The following CRISP2 variants were observed in gnomAD, a reference collection of about 807,000 sequenced individuals.
The protein encoded by CRISP2 is cysteine-rich secretory protein 2.
Under a neutral mutation model 31.7 loss-of-function variants are expected in CRISP2, and 29 were observed. That is an observed-to-expected ratio of 0.92 (90% CI 0.68 to 1.25). CRISP2 has a LOEUF of 1.25. Among genes scored for constraint, CRISP2 ranks in the 50% most tolerant of loss-of-function variants. CRISP2 has a pLI of 0.00. For missense variants in CRISP2, 318 were observed against 286.5 expected (o/e 1.11, Z -0.79); for synonymous variants, 111 against 101.4 (o/e 1.09, Z -0.57).
At chr6:49,707,433 G>C (rs1474790654) in intron 4 of CRISP2, among the ~76,000 whole-genome samples, 2 of 152,130 alleles carry the variant, frequency 1.3e-5, no homozygotes, top group African/African-American at 4.8e-5. Context: ...AGTGTTTATA[G>C]AGCATCTGAT....
intron 4 of CRISP2, among the ~76,000 whole-genome samples, chr6:49,701,266 C>T (rs1222751618): frequency 6.6e-6 from 1 of 151,664 alleles, no homozygotes; most frequent in Non-Finnish European, 1.5e-5. Context: ...GTCTTTTATC[C>T]CACGCCACCC....
intron 3 of CRISP2, 140 bp from the exon 4 acceptor site, chr6:49,709,345 A>G (rs1767607423): frequency 1.5e-5 from 11 of 724,834 alleles, no homozygotes; most frequent in South Asian, 5.7e-5. Context: ...CAAAAGAAGA[A>G]TTGCCCTATG....
chr6:49,700,910 T>C lies in CRISP2; in HGVS notation c.67-126A>G, dbSNP rs1284258958. Reference sequence around the variant, plus strand: ...GCAAAATAGTTATCATGTACATATATTAAATACTAAAGTTATTTAAATAAT... The same window carrying C: ...GCAAAATAGTTATCATGTACATATACTAAATACTAAAGTTATTTAAATAAT... On this transcript the variant is annotated intron_variant, in intron 4 of 9. Transcript: ENST00000339139. 3 of 562,934 alleles carry C rather than the reference T, an allele frequency of 5.3e-6. No homozygotes were observed. In the East Asian group the frequency reaches 9.7e-5, roughly 18 times the overall value. 34.9% of individuals were successfully genotyped at this position (562,934 alleles called of 1,614,324 possible).
the CRISP2 span, among the ~76,000 whole-genome samples, chr6:49,679,056 T>C: frequency 1.2e-4 from 19 of 152,336 alleles, no homozygotes; most frequent in African/African-American, 4.1e-4. Flanking sequence ...GTTCTGCTTA[T>C]GTTCTGCACA....
At chr6:49,677,891 T>C in the CRISP2 span, among the ~76,000 whole-genome samples, 3 of 152,128 alleles carry the variant, frequency 2.0e-5, no homozygotes, top group Non-Finnish European at 4.4e-5. Context: ...GAAATAATGG[T>C]ATTCAATTGT....
chr6:49,703,384 C>A (rs908372828), intron 4 of CRISP2, among the ~76,000 whole-genome samples: 2 of 151,900 alleles, frequency 1.3e-5, no homozygotes, highest in African/African-American at 4.8e-5. Flanking sequence ...ATGGGAATTG[C>A]ATTAAATTTG....
chr6:49,701,934 A>AT (rs200157470), intron 4 of CRISP2, among the ~76,000 whole-genome samples: 53 of 1,698 alleles, frequency 0.031, no homozygotes, highest in Admixed American at 0.078. Flanking sequence ...TATATAATAT[A>AT]TAATATATGT....
At position 49,692,831 on chromosome 6, in the gene CRISP2, T is replaced by C. The variant is rs1764143324; in HGVS notation, c.674A>G (p.His225Arg). ...CTTGCACTTTTCCTTGAGTAACTCA[T>C]GTTCACAGCCAGCTGTATTCTTCAA... ...DSLKNTAGCE[H>R]ELLKEKCKAT... The change falls in exon 10 of 10, where the codon CAT becomes CGT. Residue 225 changes from histidine (H) to arginine (R), a missense_variant. Transcript: ENST00000339139. 6.2e-7 allele frequency: 1 copy of C among 1,613,892 alleles called. No individual in the cohort carries two copies. The highest frequency in any genetic ancestry group is 8.5e-7 in the Non-Finnish European group (1 of 1,179,784).
rs778638236 is a variant in CRISP2, at chr6:49,692,764, C to CT, written c.*8dup. Reference sequence around the variant, plus strand: ...TCCATGCAGTCTTGCACAATGCTCACTAGGTAAATCAGTAAATTTTGTTCT... The same window carrying CT: ...TCCATGCAGTCTTGCACAATGCTCACTTAGGTAAATCAGTAAATTTTGTTCT... On this transcript the variant is annotated 3_prime_UTR_variant, in exon 10 of 10. Coordinates refer to ENST00000339139, the MANE Select transcript of CRISP2 (RefSeq NM_003296.4). The CT allele has an allele frequency of 1.9e-6, 3 of 1,611,228 alleles. No individual in the cohort carries two copies. The highest frequency in any genetic ancestry group is 2.5e-6 in the Non-Finnish European group (3 of 1,178,010).
intron 3 of CRISP2, among the ~76,000 whole-genome samples, chr6:49,709,551 T>A (rs1416616753): frequency 6.6e-6 from 1 of 152,216 alleles, no homozygotes; most frequent in East Asian, 1.9e-4. Context: ...AGTACTGACA[T>A]TCATTCTTCA....
downstream of CRISP2, among the ~76,000 whole-genome samples, chr6:49,690,969 C>T (rs1259794666): frequency 1.0e-4 from 15 of 150,378 alleles, no homozygotes; most frequent in Admixed American, 5.9e-4. Flanking sequence ...TTTTTTTTAA[C>T]CAGTCACTAG....
At chr6:49,682,762 C>T in the CRISP2 span, among the ~76,000 whole-genome samples, 7 of 140,538 alleles carry the variant, frequency 5.0e-5, no homozygotes, top group East Asian at 4.2e-4. Context: ...TTTTTCCTTC[C>T]TTCCTCCCTC....
chr6:49,677,353 G>A, the CRISP2 span, among the ~76,000 whole-genome samples: 22 of 152,208 alleles, frequency 1.4e-4, no homozygotes, highest in South Asian at 3.9e-3. Flanking sequence ...CTGTATTAAC[G>A]AGAGAGTGAG....
Position 49,692,987 on chromosome 6 carries a change from G to A in CRISP2, c.605-87C>T, listed in dbSNP as rs892304046. 3.1e-5 allele frequency: 44 copies of A among 1,423,972 alleles called. No homozygotes were observed. In the African/African-American group the frequency reaches 5.5e-4, roughly 18 times the overall value. The allele number at this position is 1,423,972 out of a possible 1,614,324, so 88.2% of individuals were successfully genotyped here. A position where few individuals can be genotyped will look rare whatever the true frequency, so the allele number is the denominator to read the frequency against. On this transcript the variant is annotated intron_variant, in intron 9 of 9. Transcript: ENST00000339139. Reference sequence around the variant, plus strand: ...ATTCAAAGTGTGTGGGGAGGGGGTAGGAGGGAACAAACAAGTTAGCATCGC... The same window carrying A: ...ATTCAAAGTGTGTGGGGAGGGGGTAAGAGGGAACAAACAAGTTAGCATCGC...
At chr6:49,702,154 T>TGTATACATTATATATATGTGTAC (rs1263956320) in intron 4 of CRISP2, among the ~76,000 whole-genome samples, 1 of 57,660 alleles carries the variant, frequency 1.7e-5, no homozygotes, top group Non-Finnish European at 3.6e-5. Context: ...TATATATATA[T>TGTATACATTATATATATGTGTAC]ATATATATAT....
chr6:49,685,988 C>T, the CRISP2 span, among the ~76,000 whole-genome samples: 1 of 152,170 alleles, frequency 6.6e-6, no homozygotes, highest in African/African-American at 2.4e-5. Flanking sequence ...AACCAGCCCA[C>T]CCCATTCTCA....
intron 8 of CRISP2, 47 bp from the exon 9 acceptor site, chr6:49,695,971 A>G: frequency 8.0e-7 from 1 of 1,245,824 alleles, no homozygotes; most frequent in Non-Finnish European, 1.2e-6. Context: ...TACTGTTTAT[A>G]CTCTAAGGGC....
chr6:49,708,880 A>G (rs1767513925), intron 4 of CRISP2, among the ~76,000 whole-genome samples: 1 of 152,162 alleles, frequency 6.6e-6, no homozygotes, highest in African/African-American at 2.4e-5. Flanking sequence ...ATCAGAGTAC[A>G]TTTTGCCTGT....
chr6:49,702,218 C>T (rs115031042), intron 4 of CRISP2, among the ~76,000 whole-genome samples: 4,248 of 135,100 alleles, frequency 0.031, 258 homozygotes, highest in African/African-American at 0.11. Context: ...TTAATGGGCA[C>T]TCGGGCTGGT....
Sources: gnomAD v4.1 joint callset for allele counts (sites outside exome capture counted in the v4.1 genomes callset) on GRCh38, gnomAD v4.1.1 for gene constraint, MANE v1.5 for transcripts, NCBI Gene and HGNC (gene_info 2026-07-23, HGNC 2026-07-21) for gene names.